CELF4: variants seen among roughly 807,000 people sequenced by gnomAD.
CELF4 encodes CUG-BP- and ETR-3-like factor 4.
In CELF4, 18 loss-of-function variants were observed where a neutral mutation model predicts 59.9. That is an observed-to-expected ratio of 0.30 (90% CI 0.21 to 0.45). The LOEUF (loss-of-function observed/expected upper bound fraction) is 0.45. Ranked by LOEUF, CELF4 falls within the 20% of genes least tolerant of loss-of-function variation. The pLI, the probability that CELF4 is intolerant of heterozygous loss-of-function variation, is 1.00. For synonymous variants in CELF4, 261 were observed against 267.1 expected, an observed-to-expected ratio of 0.98 and a Z score of 0.22; for missense variants, 456 against 689.0, an observed-to-expected ratio of 0.66 and a Z score of 3.79.
At chr18:37,333,011 G>T (rs1369450483) in intron 2 of CELF4, among the ~76,000 whole-genome samples, 1 of 152,240 alleles carries the variant, frequency 6.6e-6, no homozygotes, top group Non-Finnish European at 1.5e-5. Flanking sequence ...AGCCGGCATG[G>T]TCGGCTGGGT....
chr18:37,451,445 C>T (rs552131165), intron 2 of CELF4, among the ~76,000 whole-genome samples: 5 of 152,212 alleles, frequency 3.3e-5, no homozygotes, highest in South Asian at 2.1e-4. Flanking sequence ...TGTGCATGTG[C>T]ATGTGCAGTA....
At chr18:37,259,051 G>GACACCGGT (rs1349079247) in intron 11 of CELF4, 130 bp downstream of exon 11, 5 of 1,456,988 alleles carry the variant, frequency 3.4e-6, no homozygotes, top group Non-Finnish European at 4.7e-6. Context: ...AAAGCAGTCG[G>GACACCGGT]ACACCGGTAG....
chr18:37,361,414 T>G (rs950991042), intron 2 of CELF4, among the ~76,000 whole-genome samples: 2 of 152,160 alleles, frequency 1.3e-5, no homozygotes, highest in Non-Finnish European at 2.9e-5. Context: ...GGGGTGGGGT[T>G]TGGCAGGCTG....
chr18:37,259,748 C>G (rs1294463928), intron 10 of CELF4, among the ~76,000 whole-genome samples: 2 of 152,162 alleles, frequency 1.3e-5, no homozygotes, highest in South Asian at 2.1e-4. Context: ...GTCTCAGACT[C>G]TGGGATTGGG....
chr18:37,535,874 G>C (rs1425274279), intron 1 of CELF4, among the ~76,000 whole-genome samples: 1 of 152,112 alleles, frequency 6.6e-6, no homozygotes, highest in Non-Finnish European at 1.5e-5. Flanking sequence ...AACCTTTCCT[G>C]GTCTCTTTTT....
intron 2 of CELF4, among the ~76,000 whole-genome samples, chr18:37,345,821 G>C (rs1255079793): frequency 6.6e-6 from 1 of 152,056 alleles, no homozygotes; most frequent in Non-Finnish European, 1.5e-5. Context: ...GGTCTCTCCA[G>C]TCTCCTGGGT....
chr18:37,398,053 G>A (rs551451165), intron 2 of CELF4, among the ~76,000 whole-genome samples: 18 of 152,308 alleles, frequency 1.2e-4, no homozygotes, highest in African/African-American at 4.1e-4. Context: ...CAGTGGGGCT[G>A]TAAAGGGGCC....
intron 1 of CELF4, among the ~76,000 whole-genome samples, chr18:37,506,062 C>A (rs2974271): frequency 4.8e-5 from 7 of 146,066 alleles, no homozygotes; most frequent in South Asian, 2.2e-4. Context: ...GTTTCTCCCC[C>A]CTCCCCTCCC....
intron 2 of CELF4, among the ~76,000 whole-genome samples, chr18:37,423,420 T>C (rs1224355549): frequency 2.0e-5 from 3 of 152,044 alleles, no homozygotes; most frequent in Admixed American, 2.0e-4. Flanking sequence ...GAAGACTGCC[T>C]GGAGGAGGCG....
At chr18:37,513,102 T>C (rs2099946407) in intron 1 of CELF4, among the ~76,000 whole-genome samples, 1 of 152,324 alleles carries the variant, frequency 6.6e-6, no homozygotes, top group African/African-American at 2.4e-5. Context: ...TTGAAACCCA[T>C]GACCTTCCCT....
intron 2 of CELF4, among the ~76,000 whole-genome samples, chr18:37,448,386 G>A (rs1011598447): frequency 4.0e-4 from 61 of 152,330 alleles, no homozygotes; most frequent in African/African-American, 1.4e-3. Context: ...TCCAGCCCAC[G>A]GCTGCACAGA....
At chr18:37,517,442 G>A (rs796106044) in intron 1 of CELF4, among the ~76,000 whole-genome samples, 18 of 152,178 alleles carry the variant, frequency 1.2e-4, no homozygotes, top group African/African-American at 4.3e-4. Context: ...GCTGTCTGTC[G>A]GTGCTGAGCT....
intron 2 of CELF4, among the ~76,000 whole-genome samples, chr18:37,350,037 G>A (rs1026390790): frequency 9.9e-5 from 15 of 152,160 alleles, no homozygotes; most frequent in Non-Finnish European, 2.1e-4. Context: ...CAGGCAGGGA[G>A]GACCCGAAGC....
At chr18:37,489,820 G>T (rs1000843418) in intron 1 of CELF4, among the ~76,000 whole-genome samples, 1 of 152,172 alleles carries the variant, frequency 6.6e-6, no homozygotes, top group Non-Finnish European at 1.5e-5. Flanking sequence ...TGAACGCTGA[G>T]GCTTGAGAAG....
intron 2 of CELF4, among the ~76,000 whole-genome samples, chr18:37,462,216 C>G (rs2099795516): frequency 6.6e-6 from 1 of 152,152 alleles, no homozygotes; most frequent in African/African-American, 2.4e-5. Flanking sequence ...CCAGAAAGGC[C>G]TCTCTGGCAT....
intron 2 of CELF4, among the ~76,000 whole-genome samples, chr18:37,343,885 G>A (rs1022261577): frequency 2.6e-5 from 4 of 151,996 alleles, no homozygotes; most frequent in African/African-American, 9.7e-5. Context: ...CCAACTCTCT[G>A]GTACCCCTCA....
At chr18:37,500,934 T>A (rs568505363) in intron 1 of CELF4, among the ~76,000 whole-genome samples, 1 of 152,340 alleles carries the variant, frequency 6.6e-6, no homozygotes, top group Admixed American at 6.5e-5. Context: ...AAGGTCCAGC[T>A]GAGGCCTCTC....
intron 3 of CELF4, among the ~76,000 whole-genome samples, chr18:37,311,135 A>G (rs748242289): frequency 6.6e-6 from 1 of 152,216 alleles, no homozygotes; most frequent in African/African-American, 2.4e-5. Context: ...GTCTCAACTT[A>G]ACTTTCCAAA....
Position 37,565,740 on chromosome 18 carries a change from C to T in CELF4, c.-99G>A. ...ACACACGCACACGCATACACACACT[C>T]GGGTTCTCTCCCCCTCGGTTTCTCT... On this transcript the variant is annotated 5_prime_UTR_variant, in exon 1 of 13. Transcript: ENST00000420428. 1.0e-6 allele frequency: 1 copy of T among 982,500 alleles called. No individual in the cohort carries two copies. The highest frequency in any genetic ancestry group is 1.4e-6 in the Non-Finnish European group (1 of 699,614). 60.9% of individuals were successfully genotyped at this position (982,500 alleles called of 1,614,324 possible). A position where few individuals can be genotyped will look rare whatever the true frequency, so the allele number is the denominator to read the frequency against.
Sources: allele counts gnomAD v4.1 joint callset (sites outside exome capture counted in the v4.1 genomes callset), GRCh38; gene constraint gnomAD v4.1.1; transcripts MANE v1.5; gene names NCBI Gene and HGNC (gene_info 2026-07-23, HGNC 2026-07-21).